The following PBX3 variants were observed in gnomAD, a reference collection of about 807,000 sequenced individuals.
The protein encoded by PBX3 is pre-B-cell leukemia transcription factor 3.
A neutral mutation model predicts 48.5 loss-of-function variants in PBX3; 14 were observed. The ratio of observed to expected loss-of-function variants is 0.29; its 90% CI spans 0.19 to 0.45. The LOEUF is 0.45. Among genes scored for constraint, PBX3 ranks in the 20% least tolerant of loss-of-function variants. PBX3 has a pLI of 1.00. For synonymous variants in PBX3, 210 were observed against 200.3 expected (o/e 1.05, Z -0.41); for missense variants, 386 against 546.7 (o/e 0.71, Z 2.93).
chr9:125,780,109 A>G (rs1588138415), intron 2 of PBX3, among the ~76,000 whole-genome samples: 3 of 117,196 alleles, frequency 2.6e-5, no homozygotes, highest in Non-Finnish European at 3.5e-5. Context: ...GGCTGGGCAG[A>G]GGGGCTCCTC....
intron 2 of PBX3, among the ~76,000 whole-genome samples, chr9:125,784,888 T>C (rs57067619): frequency 0.02 from 3,037 of 152,282 alleles, 169 homozygotes; most frequent in East Asian, 0.17. Context: ...CTTGGGTCTT[T>C]GCTGAGCATG....
intron 2 of PBX3, among the ~76,000 whole-genome samples, chr9:125,786,321 C>T (rs2132050013): frequency 6.6e-6 from 1 of 152,188 alleles, no homozygotes; most frequent in South Asian, 2.1e-4. Context: ...GGCATACCAC[C>T]ATAGATGAGT....
chr9:125,752,940 C>T (rs1352842008), intron 2 of PBX3, among the ~76,000 whole-genome samples: 5 of 151,996 alleles, frequency 3.3e-5, no homozygotes, highest in Non-Finnish European at 5.9e-5. Context: ...TTTTAATGAA[C>T]TTATTTTCAA....
intron 2 of PBX3, among the ~76,000 whole-genome samples, chr9:125,899,853 G>A (rs565242501): frequency 4.4e-4 from 67 of 151,708 alleles, no homozygotes; most frequent in African/African-American, 1.6e-3. Flanking sequence ...ATTATTTTTT[G>A]TAAAACTGTG....
chr9:125,845,150 A>G (rs772599745), intron 2 of PBX3, among the ~76,000 whole-genome samples: 1 of 152,088 alleles, frequency 6.6e-6, no homozygotes, highest in Non-Finnish European at 1.5e-5. Flanking sequence ...CCGTACCTAA[A>G]TCTTTCGGAA....
intron 5 of PBX3, among the ~76,000 whole-genome samples, chr9:125,956,504 G>A (rs1443572911): frequency 2.0e-5 from 3 of 152,198 alleles, no homozygotes; most frequent in Non-Finnish European, 4.4e-5. Flanking sequence ...CGGTTGTAGT[G>A]TATGCGAGAG....
At chr9:125,832,150 A>T (rs1460632470) in intron 2 of PBX3, among the ~76,000 whole-genome samples, 1 of 151,900 alleles carries the variant, frequency 6.6e-6, no homozygotes, top group African/African-American at 2.4e-5. Flanking sequence ...TAAGATAATT[A>T]CTTGATTTAT....
intron 2 of PBX3, chr9:125,843,640 G>T (rs551507144): frequency 1.2e-5 from 3 of 253,138 alleles, no homozygotes; most frequent in Non-Finnish European, 2.5e-5. Context: ...CAACAGTCCC[G>T]AAAGAATATT....
intron 2 of PBX3, among the ~76,000 whole-genome samples, chr9:125,808,318 T>C (rs1397042928): frequency 6.6e-6 from 1 of 152,140 alleles, no homozygotes; most frequent in Non-Finnish European, 1.5e-5. Context: ...GATACCCTTA[T>C]TTTTCTTTCC....
At chr9:125,851,554 A>C (rs1410420669) in intron 2 of PBX3, among the ~76,000 whole-genome samples, 1 of 152,144 alleles carries the variant, frequency 6.6e-6, no homozygotes, top group African/African-American at 2.4e-5. Flanking sequence ...TGGCCTAAAA[A>C]ATACTTCACT....
At chr9:125,782,534 A>G (rs1837349798) in intron 2 of PBX3, among the ~76,000 whole-genome samples, 1 of 152,262 alleles carries the variant, frequency 6.6e-6, no homozygotes, top group Non-Finnish European at 1.5e-5. Context: ...TAAAATAGCC[A>G]TAATTGTTTT....
chr9:125,927,224 G>A (rs1021505741), intron 3 of PBX3, among the ~76,000 whole-genome samples: 2 of 152,178 alleles, frequency 1.3e-5, no homozygotes, highest in East Asian at 1.9e-4. Context: ...ATCTGTAGAT[G>A]TTTATTAGGT....
chr9:125,863,723 T>G (rs1480643251), intron 2 of PBX3, among the ~76,000 whole-genome samples: 2 of 152,200 alleles, frequency 1.3e-5, no homozygotes, highest in Admixed American at 6.5e-5. Context: ...TTCTTATCAC[T>G]GGTTACTAGA....
At chr9:125,896,668 A>G (rs1168750119) in intron 2 of PBX3, among the ~76,000 whole-genome samples, 1 of 152,064 alleles carries the variant, frequency 6.6e-6, no homozygotes, top group African/African-American at 2.4e-5. Flanking sequence ...CTGTAACAAA[A>G]TGCTGTCAAG....
intron 2 of PBX3, among the ~76,000 whole-genome samples, chr9:125,800,823 G>A (rs958493403): frequency 6.8e-6 from 1 of 147,038 alleles, no homozygotes; most frequent in Non-Finnish European, 1.5e-5. Context: ...GCATGACCTC[G>A]GCTCACTGAA....
chr9:125,784,862 G>T (rs1158794891), intron 2 of PBX3, among the ~76,000 whole-genome samples: 1 of 152,142 alleles, frequency 6.6e-6, no homozygotes, highest in African/African-American at 2.4e-5. Flanking sequence ...TGAGCCTAGA[G>T]GTCAGCCACA....
chr9:125,899,581 A>G (rs533799109), intron 2 of PBX3, among the ~76,000 whole-genome samples: 4 of 150,880 alleles, frequency 2.7e-5, no homozygotes, highest in Admixed American at 2.0e-4. Flanking sequence ...AATGCAGTTG[A>G]TAGTCTTACA....
At chr9:125,923,522 TTATAA>T (rs1249549092) in intron 3 of PBX3, among the ~76,000 whole-genome samples, 2 of 152,160 alleles carry the variant, frequency 1.3e-5, no homozygotes, top group East Asian at 3.8e-4. Flanking sequence ...TAAATATTTA[TTATAA>T]TAGAAATTAA....
At chr9:125,810,257 CATGTT>C (rs1374612178) in intron 2 of PBX3, among the ~76,000 whole-genome samples, 16 of 152,180 alleles carry the variant, frequency 1.1e-4, no homozygotes, top group Admixed American at 3.3e-4. Context: ...TATTATGACT[CATGTT>C]AGGTTAATAT....
Sources: allele counts gnomAD v4.1 joint callset (sites outside exome capture counted in the v4.1 genomes callset), GRCh38; gene constraint gnomAD v4.1.1; transcripts MANE v1.5; gene names NCBI Gene and HGNC (gene_info 2026-07-23, HGNC 2026-07-21).